Variants in XKR6 observed in about 807,000 individuals in gnomAD.
XKR6 encodes XK related 6, also known as XK-related protein 6.
XKR6 carries 22 observed loss-of-function variants against 56.7 expected under a neutral mutation model. That is an observed-to-expected ratio of 0.39 (90% CI 0.28 to 0.55). The LOEUF (loss-of-function observed/expected upper bound fraction) is 0.55, where lower values mean the gene tolerates loss of function less well. XKR6 is among the 20% of genes least tolerant of loss of function. The probability of loss-of-function intolerance (pLI) is 0.66; values close to 1 mark genes in which losing one functional copy is unlikely to be tolerated. For synonymous variants in XKR6, 524 were observed against 387.8 expected, an observed-to-expected ratio of 1.35 and a Z score of -4.13; for missense variants, 852 against 889.0, an observed-to-expected ratio of 0.96 and a Z score of 0.53.
chr8:11,153,835 T>C (rs1563179087), intron 1 of XKR6, among the ~76,000 whole-genome samples: 1 of 152,228 alleles, frequency 6.6e-6, no homozygotes, highest in Non-Finnish European at 1.5e-5. Flanking sequence ...CAGATCCTCA[T>C]GCTCCTTTCC....
At chr8:11,015,503 T>C (rs73541229) in intron 1 of XKR6, among the ~76,000 whole-genome samples, 5,644 of 152,126 alleles carry the variant, frequency 0.037, 357 homozygotes, top group African/African-American at 0.13. Context: ...GGGGAGGGAC[T>C]CTGAAGAGAG....
At chr8:10,912,687 GTATA>G (rs780977459) in intron 2 of XKR6, among the ~76,000 whole-genome samples, 15 of 132,716 alleles carry the variant, frequency 1.1e-4, no homozygotes, top group African/African-American at 2.9e-4. Context: ...GAGGGTGAGT[GTATA>G]TATATATATA....
At chr8:11,045,384 G>A (rs535743803) in intron 1 of XKR6, among the ~76,000 whole-genome samples, 1 of 152,088 alleles carries the variant, frequency 6.6e-6, no homozygotes, top group South Asian at 2.1e-4. Flanking sequence ...CACTGTGCAT[G>A]GCCTCAAGCC....
At chr8:10,978,116 G>A (rs148155021) in intron 1 of XKR6, among the ~76,000 whole-genome samples, 24 of 152,196 alleles carry the variant, frequency 1.6e-4, no homozygotes, top group East Asian at 7.7e-4. Flanking sequence ...CACCCACTGA[G>A]GTCCTAGTGA....
Position 11,118,859 on chromosome 8 carries a change from T to A in XKR6, c.764+81717A>T, listed in dbSNP as rs1047405197. 3.7e-4 allele frequency among the ~76,000 whole-genome samples: 57 copies of A among 152,352 alleles called. 1 individual carries two copies. The highest frequency in any genetic ancestry group is 1.3e-3 in the African/African-American group (55 of 41,588). On this transcript the variant is annotated intron_variant, in intron 1 of 2. Coordinates refer to ENST00000416569, the MANE Select transcript of XKR6 (RefSeq NM_173683.4). ...TTCTTGCCTTCTGTTAGCTTTTGAA[T>A]GTGTTTGCTCTTGCTTCTCTAGATC...
At chr8:10,998,449 A>G (rs1226749305) in intron 1 of XKR6, among the ~76,000 whole-genome samples, 2 of 151,944 alleles carry the variant, frequency 1.3e-5, no homozygotes, top group African/African-American at 4.8e-5. Flanking sequence ...TCTCCTTCTC[A>G]CTCTCCCTTC....
chr8:11,132,401 C>A (rs181509772), intron 1 of XKR6, among the ~76,000 whole-genome samples: 7 of 152,050 alleles, frequency 4.6e-5, no homozygotes, highest in Non-Finnish European at 4.4e-5. Context: ...CTCTGTCACC[C>A]AGGCTGGAGT....
chr8:11,039,917 T>C (rs1452237742), intron 1 of XKR6, among the ~76,000 whole-genome samples: 1 of 152,234 alleles, frequency 6.6e-6, no homozygotes, highest in Non-Finnish European at 1.5e-5. Flanking sequence ...AAGCTTCCTG[T>C]CCATGCCTTA....
At chr8:11,065,055 A>T (rs545016560) in intron 1 of XKR6, among the ~76,000 whole-genome samples, 90 of 152,344 alleles carry the variant, frequency 5.9e-4, no homozygotes, top group African/African-American at 2.0e-3. Flanking sequence ...CATAAAATTT[A>T]AAAAAATCAT....
At chr8:11,112,539 G>C (rs1586560495) in intron 1 of XKR6, among the ~76,000 whole-genome samples, 1 of 152,010 alleles carries the variant, frequency 6.6e-6, no homozygotes, top group African/African-American at 2.4e-5. Context: ...ATTTACTATA[G>C]GCTTAAAGAC....
intron 2 of XKR6, among the ~76,000 whole-genome samples, chr8:10,910,681 T>A (rs1800325442): frequency 6.6e-6 from 1 of 152,160 alleles, no homozygotes; most frequent in Admixed American, 6.5e-5. Context: ...CTCAAGGAGT[T>A]CCAAGGTCAA....
intron 1 of XKR6, among the ~76,000 whole-genome samples, chr8:10,975,793 C>T (rs2129135333): frequency 6.6e-6 from 1 of 152,342 alleles, no homozygotes; most frequent in South Asian, 2.1e-4. Context: ...ACTTCCACCA[C>T]ATTCTGTAGG....
At chr8:10,985,437 CTGATATATT>C (rs1797839773) in intron 1 of XKR6, among the ~76,000 whole-genome samples, 1 of 152,050 alleles carries the variant, frequency 6.6e-6, no homozygotes, top group African/African-American at 2.4e-5. Context: ...GATCACTCAG[CTGATATATT>C]TGATAGAATA....
At chr8:11,185,543 T>C (rs1803229888) in intron 1 of XKR6, among the ~76,000 whole-genome samples, 1 of 152,238 alleles carries the variant, frequency 6.6e-6, no homozygotes, top group Non-Finnish European at 1.5e-5. Context: ...AATATCTATT[T>C]GGTGATCTAT....
chr8:11,173,411 A>T (rs1459185335), intron 1 of XKR6, among the ~76,000 whole-genome samples: 1 of 150,572 alleles, frequency 6.6e-6, no homozygotes, highest in Non-Finnish European at 1.5e-5. Context: ...ATATATATAC[A>T]TATACATATA....
chr8:11,060,454 G>A (rs573778301), intron 1 of XKR6, among the ~76,000 whole-genome samples: 28 of 152,296 alleles, frequency 1.8e-4, no homozygotes, highest in Admixed American at 1.4e-3. Flanking sequence ...CACCCGCCGG[G>A]AACTAGGGGT....
rs1311594716 is a variant in XKR6 at position 10,896,783 on chromosome 8, G to A, written c.*1169C>T. On this transcript the variant is annotated 3_prime_UTR_variant, in exon 3 of 3. Transcript: ENST00000416569. ...TTGTGTTATTTTTTTTTTTAAAAAA[G>A]CACAAATGAAAAATGAAGAATTCTT... 6.7e-6 allele frequency: 1 copy of A among 149,700 alleles called. No individual in the cohort carries two copies. Among genetic ancestry groups the A allele is most frequent in the Non-Finnish European group, 1.5e-5 (1 of 67,526 alleles). The allele number at this position is 149,700 out of a possible 1,614,324, so 9.3% of individuals were successfully genotyped here.
rs113084257 is a variant in XKR6 at position 11,198,224 on chromosome 8, A to G, written c.764+2352T>C. ...TTTACATATGAATGATTTCAACGCAAACAACATGGCTAGCAGGTATTAAAA... is the reference window on the plus strand; with the variant it reads ...TTTACATATGAATGATTTCAACGCAGACAACATGGCTAGCAGGTATTAAAA... On this transcript the variant is annotated intron_variant, in intron 1 of 2. Coordinates refer to ENST00000416569, the MANE Select transcript of XKR6 (RefSeq NM_173683.4). 1.9e-3 allele frequency among the ~76,000 whole-genome samples: 295 copies of G among 152,340 alleles called. 1 individual carries two copies. The highest frequency in any genetic ancestry group is 3.2e-3 in the Non-Finnish European group (220 of 68,022).
intron 2 of XKR6, among the ~76,000 whole-genome samples, chr8:10,902,475 T>C (rs1800063988): frequency 6.6e-6 from 1 of 152,182 alleles, no homozygotes; most frequent in African/African-American, 2.4e-5. Flanking sequence ...CTTCCTGCCA[T>C]GTCGCGCTGC....
Sources: gnomAD v4.1 joint callset for allele counts (sites outside exome capture counted in the v4.1 genomes callset) on GRCh38, gnomAD v4.1.1 for gene constraint, MANE v1.5 for transcripts, NCBI Gene and HGNC (gene_info 2026-07-23, HGNC 2026-07-21) for gene names.